The following CNTNAP2 variants were observed in gnomAD, a reference collection of about 807,000 sequenced individuals.
CNTNAP2 encodes the protein contactin associated protein 2.
Under a neutral mutation model 155.2 loss-of-function variants are expected in CNTNAP2, and 98 were observed. That is an observed-to-expected ratio of 0.63 (90% CI 0.54 to 0.75). CNTNAP2 has a LOEUF of 0.75. Ranked by LOEUF, CNTNAP2 falls within the 30% of genes least tolerant of loss-of-function variation. The pLI is 0.00. For synonymous variants in CNTNAP2, 651 were observed against 631.2 expected, an observed-to-expected ratio of 1.03 and a Z score of -0.47; for missense variants, 1,727 against 1,688.1, an observed-to-expected ratio of 1.02 and a Z score of -0.40.
chr7:147,743,734 G>T (rs552457004), intron 13 of CNTNAP2, among the ~76,000 whole-genome samples: 1 of 151,074 alleles, frequency 6.6e-6, no homozygotes, highest in African/African-American at 2.4e-5. Flanking sequence ...CTGACCTCTC[G>T]TGTGTTTTAA....
intron 12 of CNTNAP2, among the ~76,000 whole-genome samples, chr7:147,599,730 T>A (rs1409413077): frequency 6.6e-6 from 1 of 152,144 alleles, no homozygotes; most frequent in Non-Finnish European, 1.5e-5. Flanking sequence ...GTATTCTCCA[T>A]GTGTGTGTCC....
intron 3 of CNTNAP2, among the ~76,000 whole-genome samples, chr7:147,028,504 G>A (rs1171255549): frequency 2.0e-5 from 3 of 152,176 alleles, no homozygotes; most frequent in East Asian, 1.9e-4. Flanking sequence ...CAGGGGCACC[G>A]TAGAGGTATA....
intron 15 of CNTNAP2, among the ~76,000 whole-genome samples, chr7:148,038,593 T>C (rs1311760931): frequency 6.6e-6 from 1 of 152,200 alleles, no homozygotes; most frequent in Non-Finnish European, 1.5e-5. Context: ...TCAAGGATCA[T>C]CTTATAGTAT....
chr7:147,263,625 T>TG (rs989837297), intron 8 of CNTNAP2, among the ~76,000 whole-genome samples: 1 of 152,160 alleles, frequency 6.6e-6, no homozygotes, highest in Non-Finnish European at 1.5e-5. Flanking sequence ...GGTATTAGAG[T>TG]GAGGTTACAG....
chr7:148,035,296 G>A (rs538478423), intron 15 of CNTNAP2, among the ~76,000 whole-genome samples: 6 of 152,252 alleles, frequency 3.9e-5, no homozygotes, highest in South Asian at 2.1e-4. Flanking sequence ...AGAATTACCC[G>A]AAGGTGTTTT....
At chr7:147,290,526 C>CA (rs1307561787) in intron 8 of CNTNAP2, among the ~76,000 whole-genome samples, 1 of 151,522 alleles carries the variant, frequency 6.6e-6, no homozygotes, top group Non-Finnish European at 1.5e-5. Context: ...ACTAAAATTA[C>CA]AAAAAAATTA....
At chr7:147,300,354 T>C in intron 9 of CNTNAP2, 64 bp downstream of exon 9, 1 of 1,580,778 alleles carries the variant, frequency 6.3e-7, no homozygotes, top group Non-Finnish European at 8.7e-7. Flanking sequence ...AAAATGAAGT[T>C]TGATTATGAA....
chr7:147,689,037 AT>A (rs1329430398), intron 13 of CNTNAP2, among the ~76,000 whole-genome samples: 1 of 152,106 alleles, frequency 6.6e-6, no homozygotes, highest in African/African-American at 2.4e-5. Flanking sequence ...TCTGGATCTT[AT>A]TTAACCCTTG....
At chr7:148,086,540 A>C (rs1434627320) in intron 15 of CNTNAP2, among the ~76,000 whole-genome samples, 2 of 152,248 alleles carry the variant, frequency 1.3e-5, no homozygotes, top group East Asian at 3.8e-4. Context: ...TGTAAATACA[A>C]AGGTAATCAG....
Position 148,383,790 on chromosome 7 carries a change from A to G in CNTNAP2, c.3617A>G (p.Gln1206Arg). ...QTNASAHVHI[Q>R]GELVESNCGA... ...AACGCCTCGGCTCACGTCCACATCC[A>G]GGGCGAGCTGGTGGAGTCCAACTGC... The change falls in exon 22 of 24, where the codon CAG becomes CGG. Residue 1206 changes from glutamine (Q) to arginine (R), a missense_variant. By Grantham distance (43) the Gln-to-Arg change is conservative (BLOSUM62 1). Transcript: ENST00000361727. 1 of 1,614,176 alleles carries G rather than the reference A, an allele frequency of 6.2e-7. No individual in the cohort carries two copies. The highest frequency in any genetic ancestry group is 8.5e-7 in the Non-Finnish European group (1 of 1,180,032).
At chr7:147,330,904 T>C (rs1795554138) in intron 9 of CNTNAP2, among the ~76,000 whole-genome samples, 1 of 152,146 alleles carries the variant, frequency 6.6e-6, no homozygotes, top group African/African-American at 2.4e-5. Flanking sequence ...AAGGACATTA[T>C]GGAAAGGTTA....
chr7:146,483,291 A>ATATG (rs1796999052), intron 1 of CNTNAP2, among the ~76,000 whole-genome samples: 1 of 54,904 alleles, frequency 1.8e-5, no homozygotes, highest in East Asian at 4.1e-4. Context: ...AAATATATAT[A>ATATG]TATATATATA....
chr7:146,732,775 C>A (rs1328834396), intron 1 of CNTNAP2, among the ~76,000 whole-genome samples: 1 of 152,054 alleles, frequency 6.6e-6, no homozygotes, highest in Non-Finnish European at 1.5e-5. Context: ...TTTCTATAAC[C>A]TGCACACATC....
rs536879876 is a variant in CNTNAP2 at position 146,256,388 on chromosome 7, C to T, written c.97+139415C>T. On this transcript the variant is annotated intron_variant, in intron 1 of 23. Coordinates refer to ENST00000361727, the MANE Select transcript of CNTNAP2 (RefSeq NM_014141.6). ...TTGATTTCTAAATTTATGTAAGGTC[C>T]ATTCTGTGAAATTCCTAGAGAAATT... Among the ~76,000 whole-genome samples, 23 of 151,992 alleles carry T rather than the reference C, an allele frequency of 1.5e-4. No individual in the cohort carries two copies. In the East Asian group the frequency reaches 2.3e-3, roughly 15 times the overall value.
At chr7:146,919,517 A>G (rs766048289) in intron 3 of CNTNAP2, among the ~76,000 whole-genome samples, 2 of 152,158 alleles carry the variant, frequency 1.3e-5, no homozygotes, top group Non-Finnish European at 1.5e-5. Flanking sequence ...GAGTATCTGC[A>G]AACAGTCCTG....
chr7:147,280,292 A>G (rs1293009427), intron 8 of CNTNAP2, among the ~76,000 whole-genome samples: 2 of 151,934 alleles, frequency 1.3e-5, no homozygotes, highest in African/African-American at 4.8e-5. Flanking sequence ...AAACAATAAC[A>G]AAAGCCCTTT....
chr7:146,565,856 C>T (rs759400188), intron 1 of CNTNAP2, among the ~76,000 whole-genome samples: 1 of 152,248 alleles, frequency 6.6e-6, no homozygotes, highest in Non-Finnish European at 1.5e-5. Context: ...AAAAGATAAA[C>T]TCTCATGCCT....
At chr7:146,679,504 C>G (rs1453698502) in intron 1 of CNTNAP2, among the ~76,000 whole-genome samples, 1 of 151,768 alleles carries the variant, frequency 6.6e-6, no homozygotes, top group African/African-American at 2.4e-5. Context: ...TACAGGCGCC[C>G]GCCAACACGC....
At chr7:146,977,658 G>A (rs1005783723) in intron 3 of CNTNAP2, among the ~76,000 whole-genome samples, 38 of 152,204 alleles carry the variant, frequency 2.5e-4, no homozygotes, top group African/African-American at 9.1e-4. Context: ...TAAATAATAT[G>A]CATTGAAAAA....
Sources: gnomAD v4.1 joint callset for allele counts (sites outside exome capture counted in the v4.1 genomes callset) on GRCh38, gnomAD v4.1.1 for gene constraint, MANE v1.5 for transcripts, NCBI Gene and HGNC (gene_info 2026-07-23, HGNC 2026-07-21) for gene names.